The following OLFML2B variants were observed in gnomAD, a reference collection of about 807,000 sequenced individuals.
OLFML2B encodes olfactomedin-like protein 2B.
OLFML2B carries 57 observed loss-of-function variants against 74.9 expected under a neutral mutation model. The observed-to-expected ratio is 0.76, with a 90% CI of 0.61 to 0.95. OLFML2B has a LOEUF of 0.95. OLFML2B is among the 40% of genes least tolerant of loss of function. The pLI is 0.00. For synonymous variants in OLFML2B, 388 were observed against 405.8 expected, an observed-to-expected ratio of 0.96 and a Z score of 0.53; for missense variants, 986 against 970.6, an observed-to-expected ratio of 1.02 and a Z score of -0.21.
chr1:161,993,720 G>C (rs1215998423), intron 6 of OLFML2B, among the ~76,000 whole-genome samples: 2 of 152,224 alleles, frequency 1.3e-5, no homozygotes, highest in African/African-American at 4.8e-5. Flanking sequence ...CCTGGCGCAT[G>C]CTCTTGGCTC....
chr1:162,021,841 T>C (rs571625958), intron 1 of OLFML2B, among the ~76,000 whole-genome samples: 1 of 152,274 alleles, frequency 6.6e-6, no homozygotes, highest in South Asian at 2.1e-4. Context: ...GGAAAGTTTT[T>C]GTTGATAGTG....
chr1:161,997,683 G>A (rs529170140), intron 6 of OLFML2B, 142 bp downstream of exon 6: 33 of 859,962 alleles, frequency 3.8e-5, no homozygotes, highest in African/African-American at 3.0e-4. Context: ...AAAACTAATC[G>A]TTGGTCAAAG....
intron 3 of OLFML2B, among the ~76,000 whole-genome samples, chr1:162,015,916 C>T (rs1690520248): frequency 6.6e-6 from 1 of 152,170 alleles, no homozygotes; most frequent in Non-Finnish European, 1.5e-5. Context: ...AAACCCTGAC[C>T]CCTCTCATCA....
intron 5 of OLFML2B, 65 bp downstream of exon 5, chr1:162,000,048 T>C (rs1196557496): frequency 1.6e-6 from 2 of 1,281,958 alleles, no homozygotes; most frequent in Non-Finnish European, 2.2e-6. Flanking sequence ...TCCAGCCCAC[T>C]ATGGTCCAAA....
chr1:161,992,985 G>A (rs1400175082), intron 6 of OLFML2B, among the ~76,000 whole-genome samples: 1 of 148,152 alleles, frequency 6.7e-6, no homozygotes, highest in African/African-American at 2.5e-5. Context: ...CACTCTCTGT[G>A]AAGTACAACA....
intron 6 of OLFML2B, among the ~76,000 whole-genome samples, chr1:161,987,699 G>T (rs1203357433): frequency 2.6e-5 from 4 of 152,182 alleles, no homozygotes; most frequent in African/African-American, 9.7e-5. Context: ...GTGGCAATTT[G>T]GAGGCATAGG....
chr1:161,984,059 A>G lies in OLFML2B; in HGVS notation c.1869T>C (p.Ala623=), dbSNP rs1689514008. Residue 623 remains alanine (A), a synonymous_variant, in exon 8 of 8, where the codon GCT becomes GCC. Transcript: ENST00000294794. ...TGAGCCATAGGCCATTCTCGTCCAC[A>G]GCAAAGTCCACGTCTGAGTGGCCCT... ...RWQGHSDVDF[A]VDENGLWLIY... 4 of 1,614,176 alleles carry G rather than the reference A, an allele frequency of 2.5e-6. No homozygotes were observed. Among genetic ancestry groups the G allele is most frequent in the Non-Finnish European group, 3.4e-6 (4 of 1,180,000 alleles).
Position 161,983,723 on chromosome 1 carries a change from G to A in OLFML2B, c.2205C>T (p.Ala735=), listed in dbSNP as rs774192704. The change falls in exon 8 of 8, where the codon GCC becomes GCT. Residue 735 remains alanine, a synonymous_variant. Transcript: ENST00000294794. ...DYNPKDRLLY[A]WDNGHQVTYH... is the part of the protein sequence containing the mutation. Reference sequence around the variant, plus strand: ...AAGTGACCTGGTGGCCATTGTCCCAGGCATAGAGCAGGCGGTCCTTGGGGT... The same window carrying A: ...AAGTGACCTGGTGGCCATTGTCCCAAGCATAGAGCAGGCGGTCCTTGGGGT... 4 of 1,613,872 alleles carry A rather than the reference G, an allele frequency of 2.5e-6. No individual in the cohort carries two copies. The highest frequency in any genetic ancestry group is 2.5e-6 in the Non-Finnish European group (3 of 1,179,874).
chr1:162,022,540 C>T (rs556560581), intron 1 of OLFML2B, among the ~76,000 whole-genome samples: 2 of 152,292 alleles, frequency 1.3e-5, no homozygotes, highest in East Asian at 3.9e-4. Flanking sequence ...TGAGCCACCG[C>T]GCCCGGCCTA....
Position 161,983,525 on chromosome 1 carries a change from G to A in OLFML2B, c.*150C>T. ...GATCTACAATCCATATAAAAAAATA[G>A]ACCCAAATTGTCATTTTACATTTGC... On this transcript the variant is annotated 3_prime_UTR_variant, in exon 8 of 8. Transcript: ENST00000294794. 1.2e-6 allele frequency: 1 copy of A among 824,294 alleles called. No homozygotes were observed. Among genetic ancestry groups the A allele is most frequent in the Non-Finnish European group, 1.8e-6 (1 of 541,716 alleles). 51.1% of individuals were successfully genotyped at this position (824,294 alleles called of 1,614,324 possible).
At chr1:161,996,752 C>T (rs1689917132) in intron 6 of OLFML2B, among the ~76,000 whole-genome samples, 1 of 152,196 alleles carries the variant, frequency 6.6e-6, no homozygotes, top group African/African-American at 2.4e-5. Context: ...TCTGCGTTCT[C>T]TTGGGCCACG....
At chr1:161,991,075 C>T (rs1049952504) in intron 6 of OLFML2B, among the ~76,000 whole-genome samples, 3 of 152,200 alleles carry the variant, frequency 2.0e-5, no homozygotes, top group Non-Finnish European at 4.4e-5. Flanking sequence ...GTGACTTCCT[C>T]CACTGAAGAC....
chr1:161,999,489 T>A (rs1048006632), intron 5 of OLFML2B, among the ~76,000 whole-genome samples: 18 of 152,008 alleles, frequency 1.2e-4, no homozygotes, highest in Non-Finnish European at 2.2e-4. Context: ...AGCTGCTGCA[T>A]CAGCCCTGAT....
Position 162,019,997 on chromosome 1 carries a change from T to A in OLFML2B, c.360A>T (p.Ala120=). The A allele has an allele frequency of 1.9e-6, 3 of 1,613,778 alleles. No homozygotes were observed. The highest frequency in any genetic ancestry group is 2.5e-6 in the Non-Finnish European group (3 of 1,179,930). The stretch of plus-strand genomic sequence containing the variant: ...CGCAGGGATTGAGGGCCGATGGGGG[T>A]GCTACACAGGCACACTTGCACGACG... The part of the protein sequence containing the change: ...SGSSCKCACV[A]PPSALNPCEG... Residue 120 remains alanine, a synonymous_variant, in exon 2 of 8, where the codon GCA becomes GCT. Transcript: ENST00000294794.
Position 161,992,280 on chromosome 1 carries a change from G to T in OLFML2B, c.1474+5545C>A, listed in dbSNP as rs188797660. On this transcript the variant is annotated intron_variant, in intron 6 of 7. Coordinates refer to ENST00000294794, the MANE Select transcript of OLFML2B (RefSeq NM_015441.3). ...CACCTCTGTCAGCCATCATAGAATTGAAGAGAGTTAGGGCCTTGCTCTGGA... is the reference window on the plus strand; with the variant it reads ...CACCTCTGTCAGCCATCATAGAATTTAAGAGAGTTAGGGCCTTGCTCTGGA... Among the ~76,000 whole-genome samples, 3 of 152,334 alleles carry T rather than the reference G, an allele frequency of 2.0e-5. No homozygotes were observed. In the South Asian group the frequency reaches 6.2e-4, roughly 32 times the overall value.
Position 161,983,923 on chromosome 1 carries a change from G to C in OLFML2B, c.2005C>G (p.Arg669Gly). The C allele has an allele frequency of 1.2e-6, 2 of 1,614,168 alleles. No individual in the cohort carries two copies. The highest frequency in any genetic ancestry group is 1.1e-5 in the South Asian group (1 of 91,080). Reference protein sequence around the residue: ...QKETTWRTGLRRNFYGNCFVI... With the variant: ...QKETTWRTGLGRNFYGNCFVI... ...AAGCAGTTGCCGTAGAAATTCCTCC[G>C]GAGCCCCGTGCGCCATGTGGTCTCC... The change falls in exon 8 of 8, where the codon CGG (arginine) becomes GGG (glycine). Residue 669 changes from arginine (R) to glycine (G), a missense_variant. Physicochemically the swap from Arg to Gly is moderately radical, Grantham distance 125 (BLOSUM62 -2). Coordinates refer to ENST00000294794, the MANE Select transcript of OLFML2B (RefSeq NM_015441.3).
rs763117848 is a variant in OLFML2B at position 161,983,872 on chromosome 1, C to T, written c.2056G>A (p.Val686Met). Reference sequence around the variant, plus strand: ...GCATTCCGCTGGTTGTAGCTATCCACGGCATACAGCACCCCACAGATGACG... The same window carrying T: ...GCATTCCGCTGGTTGTAGCTATCCATGGCATACAGCACCCCACAGATGACG... ...CFVICGVLYA[V>M]DSYNQRNANI... The change falls in exon 8 of 8, where the codon GTG becomes ATG. Residue 686 changes from valine (V) to methionine (M), a missense_variant. Coordinates refer to ENST00000294794, the MANE Select transcript of OLFML2B (RefSeq NM_015441.3). 3.1e-6 allele frequency: 5 copies of T among 1,614,192 alleles called. No individual in the cohort carries two copies. Among genetic ancestry groups the T allele is most frequent in the Non-Finnish European group, 4.2e-6 (5 of 1,180,034 alleles).
chr1:162,022,948 G>C (rs962138977), intron 1 of OLFML2B, among the ~76,000 whole-genome samples: 1 of 152,146 alleles, frequency 6.6e-6, no homozygotes, highest in African/African-American at 2.4e-5. Context: ...ACATAGACAA[G>C]AGATACTTTT....
intron 2 of OLFML2B, 79 bp downstream of exon 2, chr1:162,019,840 C>A: frequency 1.3e-6 from 2 of 1,535,878 alleles, no homozygotes; most frequent in Non-Finnish European, 1.8e-6. Context: ...GGCTTAGAAT[C>A]TTCAACCATG....
Sources: gnomAD v4.1 joint callset for allele counts (sites outside exome capture counted in the v4.1 genomes callset) on GRCh38, gnomAD v4.1.1 for gene constraint, MANE v1.5 for transcripts, NCBI Gene and HGNC (gene_info 2026-07-23, HGNC 2026-07-21) for gene names.